The following RHBDD1 variants were observed in gnomAD, a reference collection of about 807,000 sequenced individuals.
The protein encoded by RHBDD1 is rhomboid-related protein 4.
A neutral mutation model predicts 36.3 loss-of-function variants in RHBDD1; 38 were observed. The observed-to-expected ratio is 1.05, with a 90% CI of 0.81 to 1.37. The LOEUF is 1.37. Ranked by LOEUF, RHBDD1 falls within the 40% of genes most tolerant of loss-of-function variation. The pLI is 0.00. For synonymous variants in RHBDD1, 151 were observed against 136.5 expected, an observed-to-expected ratio of 1.11 and a Z score of -0.74; for missense variants, 393 against 377.6, an observed-to-expected ratio of 1.04 and a Z score of -0.34.
At chr2:226,851,588 T>A (rs1340360820) in intron 3 of RHBDD1, among the ~76,000 whole-genome samples, 1 of 152,034 alleles carries the variant, frequency 6.6e-6, no homozygotes, top group Non-Finnish European at 1.5e-5. Flanking sequence ...ACCTCAAGTT[T>A]CCAAATTGCC....
rs543858214 is a variant in RHBDD1 at position 226,905,475 on chromosome 2, G to A, written c.567-1318G>A. Among the ~76,000 whole-genome samples the A allele has an allele frequency of 9.9e-5, 15 of 152,248 alleles. 1 individual carries two copies. In the South Asian group the frequency reaches 3.1e-3, roughly 32 times the overall value. Reference sequence around the variant, plus strand: ...GGGAATGGAGGTAGTAGACGATGAGGTCTCCACCCTCTGACTTTGCAGAGA... The same window carrying A: ...GGGAATGGAGGTAGTAGACGATGAGATCTCCACCCTCTGACTTTGCAGAGA... On this transcript the variant is annotated intron_variant, in intron 5 of 8. Coordinates refer to ENST00000392062, the MANE Select transcript of RHBDD1 (RefSeq NM_001167608.3).
chr2:226,877,266 A>T (rs1225620727), intron 5 of RHBDD1, among the ~76,000 whole-genome samples: 4 of 152,164 alleles, frequency 2.6e-5, no homozygotes, highest in Non-Finnish European at 5.9e-5. Flanking sequence ...ATTTTCTAAT[A>T]TTATGCATTG....
chr2:226,911,707 G>A (rs1182690142), intron 7 of RHBDD1, among the ~76,000 whole-genome samples: 1 of 151,982 alleles, frequency 6.6e-6, no homozygotes, highest in Non-Finnish European at 1.5e-5. Flanking sequence ...ACCAGTTTAA[G>A]AATAAATGTT....
chr2:226,849,340 G>C (rs952708706), intron 3 of RHBDD1, among the ~76,000 whole-genome samples: 4 of 152,246 alleles, frequency 2.6e-5, no homozygotes, highest in Non-Finnish European at 4.4e-5. Flanking sequence ...TACTGGCACC[G>C]GTGGAGCGAG....
At chr2:226,879,435 T>C (rs1488978363) in intron 5 of RHBDD1, among the ~76,000 whole-genome samples, 1 of 152,244 alleles carries the variant, frequency 6.6e-6, no homozygotes, top group Non-Finnish European at 1.5e-5. Context: ...GGCTTACTAA[T>C]GAGTGTGCCA....
chr2:226,861,560 A>G (rs1048906132), intron 3 of RHBDD1, among the ~76,000 whole-genome samples: 7 of 152,252 alleles, frequency 4.6e-5, no homozygotes, highest in African/African-American at 1.7e-4. Flanking sequence ...ATTTTCTGCT[A>G]CATAAAGCCC....
chr2:226,848,355 G>T (rs781701479), intron 3 of RHBDD1, among the ~76,000 whole-genome samples: 1 of 152,102 alleles, frequency 6.6e-6, no homozygotes, highest in South Asian at 2.1e-4. Context: ...AAGTCACCAG[G>T]TACCTTTCTT....
At chr2:226,897,011 C>G (rs550963192) in intron 5 of RHBDD1, among the ~76,000 whole-genome samples, 1 of 152,222 alleles carries the variant, frequency 6.6e-6, no homozygotes, top group East Asian at 1.9e-4. Context: ...CCATGTTGAC[C>G]AGGCTGGTCT....
intron 8 of RHBDD1, among the ~76,000 whole-genome samples, chr2:226,920,660 T>C (rs569500092): frequency 6.4e-4 from 98 of 152,284 alleles, no homozygotes; most frequent in African/African-American, 2.2e-3. Flanking sequence ...GTTTTGTATC[T>C]GTTGATATAG....
At chr2:226,959,327 TTTGA>T (rs1952013384) in intron 8 of RHBDD1, among the ~76,000 whole-genome samples, 1 of 152,224 alleles carries the variant, frequency 6.6e-6, no homozygotes, top group South Asian at 2.1e-4. Context: ...ATTTTTATCA[TTTGA>T]TTGATATATA....
At chr2:226,831,983 CTT>C (rs1940755121), upstream of RHBDD1, among the ~76,000 whole-genome samples, 1 of 147,864 alleles carries the variant, frequency 6.8e-6, no homozygotes, top group African/African-American at 2.5e-5. Flanking sequence ...AAAAAACAAA[CTT>C]TTGATTTTCA....
intron 3 of RHBDD1, among the ~76,000 whole-genome samples, chr2:226,860,432 T>C (rs1201303932): frequency 6.6e-6 from 1 of 152,210 alleles, no homozygotes; most frequent in African/African-American, 2.4e-5. Context: ...CACAGCACTC[T>C]AAAAATTTCT....
At chr2:226,823,369 G>T in the RHBDD1 span, among the ~76,000 whole-genome samples, 1 of 152,106 alleles carries the variant, frequency 6.6e-6, no homozygotes, top group Non-Finnish European at 1.5e-5. Context: ...CAGTCAATTT[G>T]CACTGTTTCT....
At chr2:226,991,832 T>C (rs1958280901) in intron 8 of RHBDD1, among the ~76,000 whole-genome samples, 1 of 152,202 alleles carries the variant, frequency 6.6e-6, no homozygotes, top group Non-Finnish European at 1.5e-5. Flanking sequence ...AAGTCCCCTT[T>C]TTCAGTAGCC....
At chr2:226,861,013 T>G (rs1283810525) in intron 3 of RHBDD1, among the ~76,000 whole-genome samples, 8 of 152,180 alleles carry the variant, frequency 5.3e-5, no homozygotes, top group Admixed American at 5.2e-4. Context: ...ATATGGCACT[T>G]GATACATGTT....
intron 5 of RHBDD1, chr2:226,867,546 T>A: frequency 1.0e-6 from 1 of 981,972 alleles, no homozygotes; most frequent in Non-Finnish European, 1.2e-6. Context: ...AGTTGCAGAT[T>A]CCTCATTTTT....
chr2:226,903,469 A>G (rs1320233521), intron 5 of RHBDD1, among the ~76,000 whole-genome samples: 3 of 152,180 alleles, frequency 2.0e-5, no homozygotes, highest in African/African-American at 4.8e-5. Flanking sequence ...CATAGTATAT[A>G]TAAGGTTCAG....
chr2:226,823,522 A>G, the RHBDD1 span, among the ~76,000 whole-genome samples: 6 of 152,202 alleles, frequency 3.9e-5, no homozygotes, highest in Non-Finnish European at 7.3e-5. Flanking sequence ...TACCCTGGAA[A>G]TTTATGAATA....
intron 8 of RHBDD1, among the ~76,000 whole-genome samples, chr2:226,936,526 A>G (rs1377521126): frequency 6.6e-6 from 1 of 152,120 alleles, no homozygotes; most frequent in African/African-American, 2.4e-5. Context: ...CCCCATAATA[A>G]TCATTTATTG....
Sources: allele counts gnomAD v4.1 joint callset (sites outside exome capture counted in the v4.1 genomes callset), GRCh38; gene constraint gnomAD v4.1.1; transcripts MANE v1.5; gene names NCBI Gene and HGNC (gene_info 2026-07-23, HGNC 2026-07-21).